The following SPOP variants were observed in gnomAD, a reference collection of about 807,000 sequenced individuals.
SPOP encodes the protein speckle-type POZ protein.
In SPOP, 11 loss-of-function variants were observed where a neutral mutation model predicts 45.6. The ratio of observed to expected loss-of-function variants is 0.24; its 90% CI spans 0.15 to 0.40. The LOEUF is 0.40. Among genes scored for constraint, SPOP ranks in the 10% least tolerant of loss-of-function variants. The pLI, the probability that SPOP is intolerant of heterozygous loss-of-function variation, is 1.00. For synonymous variants in SPOP, 166 were observed against 166.3 expected, an observed-to-expected ratio of 1.00 and a Z score of 0.01; for missense variants, 152 against 465.6, an observed-to-expected ratio of 0.33 and a Z score of 6.20.
At position 49,642,085 on chromosome 17, in the gene SPOP, C is replaced by T. The variant is rs73333386; in HGVS notation, c.-66-19209G>A. Reference sequence around the variant, plus strand: ...CAATGCCATTGAGGGCACAAAGAGACAAGAACTCTCATGTACTGCTGGTGC... The same window carrying T: ...CAATGCCATTGAGGGCACAAAGAGATAAGAACTCTCATGTACTGCTGGTGC... On this transcript the variant is annotated intron_variant, in intron 1 of 9. Coordinates refer to ENST00000504102, the MANE Select transcript of SPOP (RefSeq NM_001007228.2). 9.6e-3 allele frequency among the ~76,000 whole-genome samples: 1,458 copies of T among 151,674 alleles called. 23 individuals carry two copies. Among genetic ancestry groups the T allele is most frequent in the African/African-American group, 0.033 (1,375 of 41,356 alleles).
chr17:49,606,867 T>C (rs996539338), intron 8 of SPOP, among the ~76,000 whole-genome samples: 1 of 152,200 alleles, frequency 6.6e-6, no homozygotes, highest in Non-Finnish European at 1.5e-5. Context: ...AGGGCTGTTT[T>C]ACTGATAAAG....
chr17:49,609,929 T>C (rs2071933345), intron 6 of SPOP, among the ~76,000 whole-genome samples: 1 of 150,576 alleles, frequency 6.6e-6, no homozygotes, highest in Non-Finnish European at 1.5e-5. Flanking sequence ...AGAGCAGAGG[T>C]AGAAAAAAAG....
rs527487770 is a variant in SPOP, at chr17:49,602,071, C to T, written c.838-64G>A. 2.1e-5 allele frequency: 33 copies of T among 1,578,978 alleles called. No individual in the cohort carries two copies. The South Asian group carries it at 3.7e-4, about 18-fold the overall frequency. On this transcript the variant is annotated intron_variant, in intron 8 of 9. Transcript: ENST00000504102. Reference sequence around the variant, plus strand: ...AGTTCTGGGCTGACCACTACTGAAGCTGTTTTCTTTAGCTGTACCATCATA... The same window carrying T: ...AGTTCTGGGCTGACCACTACTGAAGTTGTTTTCTTTAGCTGTACCATCATA...
chr17:49,674,285 GTTC>G (rs996361662), intron 1 of SPOP, among the ~76,000 whole-genome samples: 14 of 152,280 alleles, frequency 9.2e-5, no homozygotes, highest in African/African-American at 3.4e-4. Flanking sequence ...ATTGCTATTA[GTTC>G]TTCTTTAAAT....
At chr17:49,631,236 C>T (rs2072445864) in intron 1 of SPOP, among the ~76,000 whole-genome samples, 1 of 152,170 alleles carries the variant, frequency 6.6e-6, no homozygotes, top group South Asian at 2.1e-4. Context: ...AGTTCATCAA[C>T]AGTGGATTAA....
intron 1 of SPOP, among the ~76,000 whole-genome samples, chr17:49,625,867 A>T (rs1319578227): frequency 8.5e-5 from 13 of 152,242 alleles, no homozygotes; most frequent in Admixed American, 8.5e-4. Context: ...AAAATAATGT[A>T]AGATGCTTCA....
chr17:49,606,503 TTTTTTTTTTTTTG>T (rs1021020089), intron 8 of SPOP, among the ~76,000 whole-genome samples: 2 of 142,768 alleles, frequency 1.4e-5, no homozygotes, highest in East Asian at 2.0e-4. Flanking sequence ...TTCTTTTTTT[TTTTTTTTTTTTTG>T]GAGACAGAGT....
At position 49,600,773 on chromosome 17, in the gene SPOP, C is replaced by T; in HGVS notation, c.981-251G>A. On this transcript the variant is annotated intron_variant, in intron 9 of 9. Coordinates refer to ENST00000504102, the MANE Select transcript of SPOP (RefSeq NM_001007228.2). The surrounding 1 kb of genome is among the most constrained non-coding windows in gnomAD (Gnocchi z 4.2). ...CTCAAAAACAAAAAGCAGAATGTTC[C>T]CCAGGCCCCCAACACTGCCTATGTT... 1 of 469,118 alleles carries T rather than the reference C, an allele frequency of 2.1e-6. No individual in the cohort carries two copies. The allele number at this position is 469,118 out of a possible 1,614,324, so 29.1% of individuals were successfully genotyped here.
intron 1 of SPOP, among the ~76,000 whole-genome samples, chr17:49,662,343 C>T (rs2072999511): frequency 6.6e-6 from 1 of 152,072 alleles, no homozygotes; most frequent in Non-Finnish European, 1.5e-5. Flanking sequence ...ACTTGAAAGA[C>T]TATCTGGCTG....
chr17:49,617,195 G>C (rs1222522111), intron 5 of SPOP, among the ~76,000 whole-genome samples: 1 of 152,202 alleles, frequency 6.6e-6, no homozygotes, highest in Non-Finnish European at 1.5e-5. Flanking sequence ...GCAGTATTTA[G>C]GGGAGATTTT....
chr17:49,663,052 G>A (rs1475953007), intron 1 of SPOP, among the ~76,000 whole-genome samples: 2 of 152,246 alleles, frequency 1.3e-5, no homozygotes, highest in African/African-American at 2.4e-5. Context: ...GCAATAATGG[G>A]TAAAACTGCT....
chr17:49,643,196 CGCTTGCAGCAGGCAGAG>C (rs2072691255), intron 1 of SPOP, among the ~76,000 whole-genome samples: 1 of 152,212 alleles, frequency 6.6e-6, no homozygotes, highest in African/African-American at 2.4e-5. Flanking sequence ...CCTACTCAAA[CGCTTGCAGCAGGCAGAG>C]TGTGTTATTA....
At chr17:49,602,680 T>G (rs2071762488) in intron 8 of SPOP, among the ~76,000 whole-genome samples, 1 of 152,206 alleles carries the variant, frequency 6.6e-6, no homozygotes, top group Admixed American at 6.5e-5. Context: ...TAGAGAAGGA[T>G]AAATAGAGTC....
chr17:49,606,798 T>C (rs1246739908), intron 8 of SPOP, among the ~76,000 whole-genome samples: 1 of 152,158 alleles, frequency 6.6e-6, no homozygotes, highest in Non-Finnish European at 1.5e-5. Flanking sequence ...GCCTGGCCTC[T>C]TGTTTCTTTT....
At chr17:49,618,650 C>A in intron 5 of SPOP, 3 of 459,102 alleles carry the variant, frequency 6.5e-6, no homozygotes, top group South Asian at 5.0e-5. Flanking sequence ...ACAACAGATA[C>A]ACATATTTAG....
chr17:49,636,653 C>G (rs1396118869), intron 1 of SPOP: 2 of 152,138 alleles, frequency 1.3e-5, no homozygotes, highest in Non-Finnish European at 2.9e-5. Context: ...AGATTGTACT[C>G]AAGAGGTGTA....
intron 1 of SPOP, among the ~76,000 whole-genome samples, chr17:49,623,110 G>A (rs1174876718): frequency 2.6e-5 from 4 of 152,002 alleles, no homozygotes; most frequent in Non-Finnish European, 5.9e-5. Context: ...CTGGGTTCAA[G>A]TGATTCTCCT....
chr17:49,627,192 A>T (rs1020169631), intron 1 of SPOP, among the ~76,000 whole-genome samples: 1 of 152,190 alleles, frequency 6.6e-6, no homozygotes, highest in Admixed American at 6.5e-5. Flanking sequence ...AAATGAAGCT[A>T]ACATGGTGTG....
intron 8 of SPOP, among the ~76,000 whole-genome samples, chr17:49,603,927 T>C (rs574683218): frequency 1.3e-5 from 2 of 152,276 alleles, no homozygotes; most frequent in East Asian, 1.9e-4. Flanking sequence ...GTACTTACAG[T>C]AGGTTACCAG....
Sources: gnomAD v4.1 joint callset for allele counts (sites outside exome capture counted in the v4.1 genomes callset) on GRCh38, gnomAD v4.1.1 for gene constraint, Gnocchi (gnomAD v3.1) non-coding constraint, MANE v1.5 for transcripts, NCBI Gene and HGNC (gene_info 2026-07-23, HGNC 2026-07-21) for gene names.